Variants in TBC1D5 observed in about 807,000 individuals in gnomAD.
TBC1D5 encodes the protein TBC1 domain family member 5.
TBC1D5 carries 75 observed loss-of-function variants against 100.3 expected under a neutral mutation model. The observed-to-expected ratio is 0.75, with a 90% confidence interval of 0.62 to 0.91. TBC1D5 has a LOEUF of 0.91. Among genes scored for constraint, TBC1D5 ranks in the 40% least tolerant of loss-of-function variants. TBC1D5 has a pLI of 0.00. For missense variants in TBC1D5, 910 were observed against 942.4 expected (o/e 0.97, Z 0.45); for synonymous variants, 323 against 325.6 (o/e 0.99, Z 0.09).
At chr3:17,548,243 A>T (rs2096437810) in intron 2 of TBC1D5, among the ~76,000 whole-genome samples, 1 of 152,128 alleles carries the variant, frequency 6.6e-6, no homozygotes, top group African/African-American at 2.4e-5. Flanking sequence ...TGAATCCAGG[A>T]GGCGGAGGTT....
intron 2 of TBC1D5, among the ~76,000 whole-genome samples, chr3:17,520,613 C>A (rs1005453212): frequency 2.0e-5 from 3 of 151,832 alleles, no homozygotes; most frequent in Admixed American, 2.0e-4. Flanking sequence ...AGGGTACAAT[C>A]AATCTCCTTC....
At chr3:17,662,383 T>C (rs560320862) in intron 1 of TBC1D5, among the ~76,000 whole-genome samples, 9 of 152,268 alleles carry the variant, frequency 5.9e-5, no homozygotes, top group Admixed American at 4.6e-4. Flanking sequence ...GAGGAGGAGG[T>C]TACCTGGAAA....
intron 3 of TBC1D5, among the ~76,000 whole-genome samples, chr3:17,437,882 A>T (rs533816472): frequency 8.7e-4 from 133 of 152,326 alleles, no homozygotes; most frequent in Non-Finnish European, 1.5e-3. Context: ...AGGCAATTTA[A>T]TTTGCCCAAA....
chr3:17,512,349 C>T (rs2095920599), intron 2 of TBC1D5, among the ~76,000 whole-genome samples: 1 of 151,774 alleles, frequency 6.6e-6, no homozygotes, highest in African/African-American at 2.4e-5. Flanking sequence ...TGTAAAAGTC[C>T]AGCATAAACA....
At chr3:17,541,201 A>T (rs2096352943) in intron 2 of TBC1D5, among the ~76,000 whole-genome samples, 1 of 151,794 alleles carries the variant, frequency 6.6e-6, no homozygotes, top group Non-Finnish European at 1.5e-5. Context: ...TCTTCCAAAA[A>T]AAAAAAAAAA....
At chr3:17,249,974 T>C (rs778201289) in intron 16 of TBC1D5, among the ~76,000 whole-genome samples, 62 of 152,186 alleles carry the variant, frequency 4.1e-4, no homozygotes, top group Non-Finnish European at 7.9e-4. Context: ...AGTGCTAGAA[T>C]TACCAAAATA....
intron 13 of TBC1D5, among the ~76,000 whole-genome samples, chr3:17,330,674 C>T (rs1450539349): frequency 6.6e-6 from 1 of 152,140 alleles, no homozygotes; most frequent in Non-Finnish European, 1.5e-5. Flanking sequence ...CTTGCTTAAC[C>T]ATTTATCTGC....
intron 2 of TBC1D5, among the ~76,000 whole-genome samples, chr3:17,567,478 A>T (rs1417362475): frequency 6.6e-6 from 1 of 151,800 alleles, no homozygotes; most frequent in African/African-American, 2.4e-5. Flanking sequence ...TGTTCCTGCC[A>T]TTTGGGAGCT....
At chr3:17,686,224 A>C (rs1466636237) in intron 1 of TBC1D5, among the ~76,000 whole-genome samples, 1 of 152,142 alleles carries the variant, frequency 6.6e-6, no homozygotes, top group Non-Finnish European at 1.5e-5. Context: ...ATGTAGTCAC[A>C]ATCTAATTAG....
chr3:17,402,943 A>G (rs976709555), intron 8 of TBC1D5, among the ~76,000 whole-genome samples: 2 of 152,118 alleles, frequency 1.3e-5, no homozygotes, highest in Non-Finnish European at 2.9e-5. Flanking sequence ...ATTAAATATT[A>G]TTGAAGATTA....
intron 9 of TBC1D5, 124 bp from the exon 10 acceptor site, chr3:17,376,737 A>C (rs1246914276): frequency 1.7e-6 from 1 of 600,542 alleles, no homozygotes. Context: ...CATTACATAG[A>C]AACACATAAA....
intron 12 of TBC1D5, among the ~76,000 whole-genome samples, chr3:17,373,423 A>G (rs754206445): frequency 1.4e-4 from 22 of 152,174 alleles, no homozygotes; most frequent in Admixed American, 5.9e-4. Context: ...GATTTTTCCA[A>G]TATTGTGTAA....
At chr3:17,677,282 C>T (rs1224587345) in intron 1 of TBC1D5, among the ~76,000 whole-genome samples, 1 of 152,080 alleles carries the variant, frequency 6.6e-6, no homozygotes, top group African/African-American at 2.4e-5. Context: ...CCAGAATCTA[C>T]AATGAACTCA....
Position 17,563,842 on chromosome 3 carries a change from G to A in TBC1D5, c.-35-55237C>T, listed in dbSNP as rs182669815. ...CTGTTGCCCAGGCTGGAGTGCAGTG[G>A]CTTGATCTCAGCTCTCTGCAAGCTC... is the stretch of plus-strand genomic sequence containing the variant. On this transcript the variant is annotated intron_variant, in intron 2 of 21. Transcript: ENST00000253692. Among the ~76,000 whole-genome samples, 83 of 152,252 alleles carry A rather than the reference G, an allele frequency of 5.5e-4. No homozygotes were observed. In the East Asian group the frequency reaches 0.015, roughly 27 times the overall value.
At chr3:17,580,692 G>A (rs992216868) in intron 2 of TBC1D5, among the ~76,000 whole-genome samples, 1 of 151,922 alleles carries the variant, frequency 6.6e-6, no homozygotes, top group Non-Finnish European at 1.5e-5. Flanking sequence ...CCCTTAAGCT[G>A]CCACCTGTTT....
rs115420866 is a variant in TBC1D5, at chr3:17,513,904, T to C, written c.-35-5299A>G. Among the ~76,000 whole-genome samples, 528 of 152,264 alleles carry C rather than the reference T, an allele frequency of 3.5e-3. 3 individuals are homozygous for C. The highest frequency in any genetic ancestry group is 0.012 in the African/African-American group (513 of 41,570). ...AAGCTACGTTTTCACAATTAAGAGA[T>C]AGCGCAATTGAATATCTGGTTTAAA... is the stretch of plus-strand genomic sequence containing the variant. On this transcript the variant is annotated intron_variant, in intron 2 of 21. Coordinates refer to ENST00000253692, the Ensembl canonical transcript of TBC1D5.
At chr3:17,327,233 G>GA (rs923286129) in intron 13 of TBC1D5, among the ~76,000 whole-genome samples, 17 of 151,942 alleles carry the variant, frequency 1.1e-4, no homozygotes, top group African/African-American at 3.9e-4. Context: ...TACTTCTAGT[G>GA]AAAAAAAAGA....
chr3:17,619,971 A>G (rs527355899), intron 2 of TBC1D5, among the ~76,000 whole-genome samples: 6 of 152,282 alleles, frequency 3.9e-5, no homozygotes, highest in Admixed American at 6.5e-5. Context: ...TCCATTTCTC[A>G]CCTATCACTT....
chr3:17,558,581 G>T, intron 2 of TBC1D5, among the ~76,000 whole-genome samples: 1 of 152,114 alleles, frequency 6.6e-6, no homozygotes, highest in East Asian at 1.9e-4. Flanking sequence ...TCTCCCACAA[G>T]AAATTATTTA....
Sources: allele counts gnomAD v4.1 joint callset (sites outside exome capture counted in the v4.1 genomes callset), GRCh38; gene constraint gnomAD v4.1.1; transcripts MANE v1.5; gene names NCBI Gene and HGNC (gene_info 2026-07-23, HGNC 2026-07-21).